The following CSMD1 variants were observed in gnomAD, a reference collection of about 807,000 sequenced individuals.
The protein encoded by CSMD1 is CUB and sushi domain-containing protein 1.
A neutral mutation model predicts 417.5 loss-of-function variants in CSMD1; 213 were observed. That is an observed-to-expected ratio of 0.51 (90% CI 0.46 to 0.57). CSMD1 has a LOEUF of 0.57. Ranked by LOEUF, CSMD1 falls within the 20% of genes least tolerant of loss-of-function variation. The pLI, the probability that CSMD1 is intolerant of heterozygous loss-of-function variation, is 0.00. For missense variants in CSMD1, 6,923 were observed against 4,529.7 expected (o/e 1.53, Z -15.17); for synonymous variants, 2,862 against 1,736.8 (o/e 1.65, Z -16.11).
intron 1 of CSMD1, among the ~76,000 whole-genome samples, chr8:4,684,289 G>C (rs1448759355): frequency 6.6e-6 from 1 of 152,164 alleles, no homozygotes; most frequent in Non-Finnish European, 1.5e-5. Flanking sequence ...GCAAAAAATA[G>C]GAGCGCAGAC....
In CSMD1 at chr8:4,418,862, T is replaced by C. The variant is rs149200293; in HGVS notation, c.415+1091A>G. On this transcript the variant is annotated intron_variant, in intron 3 of 69. Coordinates refer to ENST00000635120, the MANE Select transcript of CSMD1 (RefSeq NM_033225.6). Reference sequence around the variant, plus strand: ...GACGCTGGCTTATGCACAAATGCGGTGGCATGAAAGACATTAGAGGCAGAA... The same window carrying C: ...GACGCTGGCTTATGCACAAATGCGGCGGCATGAAAGACATTAGAGGCAGAA... Among the ~76,000 whole-genome samples, 9 of 152,260 alleles carry C rather than the reference T, an allele frequency of 5.9e-5. No individual in the cohort carries two copies. In the East Asian group the frequency reaches 1.7e-3, roughly 30 times the overall value.
rs149488052 is a variant in CSMD1 at position 3,734,090 on chromosome 8, T to C, written c.931+19840A>G. Among the ~76,000 whole-genome samples, 13 of 152,306 alleles carry C rather than the reference T, an allele frequency of 8.5e-5. No homozygotes were observed. In the East Asian group the frequency reaches 2.3e-3, roughly 27 times the overall value. On this transcript the variant is annotated intron_variant, in intron 6 of 69. Coordinates refer to ENST00000635120, the MANE Select transcript of CSMD1 (RefSeq NM_033225.6). ...AAAGAATTTTTAAGTGAACTTCTTA[T>C]CCTTGAGTTCCAATGTGCTAAATTA... is the stretch of plus-strand genomic sequence containing the variant.
At chr8:3,576,800 T>A (rs1800169174) in intron 9 of CSMD1, among the ~76,000 whole-genome samples, 1 of 152,178 alleles carries the variant, frequency 6.6e-6, no homozygotes, top group Non-Finnish European at 1.5e-5. Context: ...AGATGTGAAA[T>A]CTTAAAGCCC....
intron 6 of CSMD1, among the ~76,000 whole-genome samples, chr8:3,735,842 G>A (rs961296369): frequency 1.3e-5 from 2 of 152,110 alleles, no homozygotes; most frequent in East Asian, 1.9e-4. Context: ...AATATGCATT[G>A]ATTTCCTAAT....
chr8:3,953,366 G>A (rs1275401074), intron 5 of CSMD1, among the ~76,000 whole-genome samples: 2 of 152,138 alleles, frequency 1.3e-5, no homozygotes, highest in Non-Finnish European at 2.9e-5. Context: ...GCCATATAAT[G>A]CAAGTTAGGT....
chr8:4,461,410 A>G (rs1391208061), intron 2 of CSMD1, among the ~76,000 whole-genome samples: 1 of 152,002 alleles, frequency 6.6e-6, no homozygotes, highest in Non-Finnish European at 1.5e-5. Flanking sequence ...AAAGAAGATA[A>G]AAATATAACT....
chr8:4,159,625 G>A (rs965161607), intron 3 of CSMD1, among the ~76,000 whole-genome samples: 1 of 152,144 alleles, frequency 6.6e-6, no homozygotes, highest in South Asian at 2.1e-4. Flanking sequence ...GTCTCACTCT[G>A]TCGCCCAGGC....
chr8:3,463,532 G>A (rs1353387708), intron 12 of CSMD1, among the ~76,000 whole-genome samples: 1 of 152,154 alleles, frequency 6.6e-6, no homozygotes, highest in African/African-American at 2.4e-5. Flanking sequence ...ATTCTGGCAG[G>A]CACTGTCTTG....
intron 1 of CSMD1, among the ~76,000 whole-genome samples, chr8:4,656,892 T>C (rs1443925694): frequency 6.6e-6 from 1 of 152,026 alleles, no homozygotes; most frequent in Non-Finnish European, 1.5e-5. Context: ...ACATCTTATC[T>C]GTCCTAATCC....
rs1487463958 is a variant in CSMD1 at position 3,895,823 on chromosome 8, C to T, written c.818+102080G>A. 2.0e-5 allele frequency among the ~76,000 whole-genome samples: 3 copies of T among 152,206 alleles called. No individual in the cohort carries two copies. The East Asian group carries it at 5.8e-4, about 29-fold the overall frequency. On this transcript the variant is annotated intron_variant, in intron 5 of 69. Coordinates refer to ENST00000635120, the MANE Select transcript of CSMD1 (RefSeq NM_033225.6). ...CCAGTTGTACCTGCAGTGTGAGCCA[C>T]AGCTCTGACCTGGCTTGTTCCCTTC...
At position 2,963,369 on chromosome 8, in the gene CSMD1, C is replaced by A. The variant is rs1803672066; in HGVS notation, c.9307G>T (p.Val3103Leu). ...CTTCCCTCCACTGTTCCATTCTGCA[C>A]CGGCGGCGGCTGAGGACACAGCACG... Reference protein sequence around the residue: ...KAVLCPQPPPVQNGTVEGSDF... With the variant: ...KAVLCPQPPPLQNGTVEGSDF... Residue 3103 changes from valine (V) to leucine (L), a missense_variant, in exon 60 of 70, where the codon GTG (valine) becomes TTG (leucine). By Grantham distance (32) the Val-to-Leu change is conservative. Coordinates refer to ENST00000635120, the MANE Select transcript of CSMD1 (RefSeq NM_033225.6). 1 of 1,613,804 alleles carries A rather than the reference C, an allele frequency of 6.2e-7. No homozygotes were observed. The highest frequency in any genetic ancestry group is 8.5e-7 in the Non-Finnish European group (1 of 1,179,832).
At chr8:3,924,086 G>C (rs1452763448) in intron 5 of CSMD1, among the ~76,000 whole-genome samples, 1 of 152,180 alleles carries the variant, frequency 6.6e-6, no homozygotes, top group African/African-American at 2.4e-5. Context: ...ATCTGGTGGT[G>C]ATGAAATTTC....
intron 1 of CSMD1, among the ~76,000 whole-genome samples, chr8:4,837,752 TATAACTACA>T (rs1264386924): frequency 6.6e-6 from 1 of 151,516 alleles, no homozygotes; most frequent in Non-Finnish European, 1.5e-5. Flanking sequence ...TAACAAAGAG[TATAACTACA>T]TTGTTTGTAA....
In CSMD1 at chr8:3,284,570, C is replaced by T. The variant is rs1352895882; in HGVS notation, c.3951-224G>A. 5 of 539,638 alleles carry T rather than the reference C, an allele frequency of 9.3e-6. No individual in the cohort carries two copies. The African/African-American group carries it at 9.5e-5, about 10-fold the overall frequency. The allele number at this position is 539,638 out of a possible 1,614,324, so 33.4% of individuals were successfully genotyped here. A position where few individuals can be genotyped will look rare whatever the true frequency, so the allele number is the denominator to read the frequency against. The stretch of plus-strand genomic sequence containing the variant: ...ACAGGACCTCAGTCTGTCATGGACG[C>T]AGAGAGATAGGTGAGCTAGATGCTG... On this transcript the variant is annotated intron_variant, in intron 25 of 69. Transcript: ENST00000635120.
intron 1 of CSMD1, among the ~76,000 whole-genome samples, chr8:4,724,392 T>G (rs903289585): frequency 1.3e-5 from 2 of 152,094 alleles, no homozygotes; most frequent in African/African-American, 4.8e-5. Context: ...ATAACCCATG[T>G]GGCATACCAT....
At chr8:4,653,824 TC>T (rs1450120779) in intron 1 of CSMD1, among the ~76,000 whole-genome samples, 16 of 152,166 alleles carry the variant, frequency 1.1e-4, no homozygotes, top group Non-Finnish European at 1.5e-4. Context: ...CTAATCTTTA[TC>T]AAGTGCCATG....
chr8:4,307,336 G>C (rs925378916), intron 3 of CSMD1, among the ~76,000 whole-genome samples: 1 of 152,114 alleles, frequency 6.6e-6, no homozygotes, highest in Admixed American at 6.6e-5. Flanking sequence ...CATTGAGGCT[G>C]AAAATGAGTC....
intron 26 of CSMD1, among the ~76,000 whole-genome samples, chr8:3,249,408 G>C (rs1050947774): frequency 2.0e-5 from 3 of 152,074 alleles, no homozygotes; most frequent in South Asian, 2.1e-4. Flanking sequence ...ATTTTTAGTA[G>C]TGATGGCGTT....
At chr8:3,699,523 G>A (rs899877337) in intron 7 of CSMD1, among the ~76,000 whole-genome samples, 9 of 152,092 alleles carry the variant, frequency 5.9e-5, no homozygotes, top group African/African-American at 9.7e-5. Context: ...GCTTTCCTAC[G>A]GCTTTCCATC....
Sources: allele counts gnomAD v4.1 joint callset (sites outside exome capture counted in the v4.1 genomes callset), GRCh38; gene constraint gnomAD v4.1.1; transcripts MANE v1.5; gene names NCBI Gene and HGNC (gene_info 2026-07-23, HGNC 2026-07-21).